Variants in PER2 observed in about 807,000 individuals in gnomAD.
PER2 encodes the protein period circadian regulator 2.
A neutral mutation model predicts 121.0 loss-of-function variants in PER2; 66 were observed. The observed-to-expected ratio is 0.55, with a 90% CI of 0.45 to 0.67. The LOEUF (loss-of-function observed/expected upper bound fraction) is 0.67, where lower values mean the gene tolerates loss of function less well. PER2 is among the 30% of genes least tolerant of loss of function. The probability of loss-of-function intolerance (pLI) is 0.00; values close to 1 mark genes in which losing one functional copy is unlikely to be tolerated. For missense variants in PER2, 1,521 were observed against 1,635.0 expected, an observed-to-expected ratio of 0.93 and a Z score of 1.20; for synonymous variants, 684 against 659.9, an observed-to-expected ratio of 1.04 and a Z score of -0.56.
intron 3 of PER2, 69 bp from the exon 4 acceptor site, chr2:238,275,966 T>C: frequency 6.5e-7 from 1 of 1,534,764 alleles, no homozygotes; most frequent in Middle Eastern, 1.7e-4. Flanking sequence ...GAAACGTGCC[T>C]CTTGCCCATT....
chr2:238,258,585 G>A lies in PER2; in HGVS notation c.1687C>T (p.Leu563=), dbSNP rs1559326461. The change falls in exon 15 of 23, where the codon CTG becomes TTG. Residue 563 remains leucine (L), a synonymous_variant. Transcript: ENST00000254657. ...AACTCCTCGGGGAAGCTGACCCCCA[G>A]GCTGTCCTTTTCCATGGCAGGGACA... is the stretch of plus-strand genomic sequence containing the variant. The part of the protein sequence containing the change: ...KAVPAMEKDS[L]GVSFPEELAC... The A allele has an allele frequency of 6.2e-7, 1 of 1,614,144 alleles. No individual in the cohort carries two copies. Among genetic ancestry groups the A allele is most frequent in the South Asian group, 1.1e-5 (1 of 91,086 alleles).
Position 238,250,612 on chromosome 2 carries a change from T to C in PER2, c.3406A>G (p.Ile1136Val). ...TCCGCATCTGCCATCAGCAGCCAGA[T>C]GGGATCCTGCAGGACGCACTTAATG... ...HFIKCVLQDP[I>V]WLLMADADSS... Residue 1136 changes from isoleucine to valine, a missense_variant, in exon 21 of 23, where the codon ATC becomes GTC. Ile to Val is a conservative substitution (Grantham distance 29). Coordinates refer to ENST00000254657, the MANE Select transcript of PER2 (RefSeq NM_022817.3). 6.2e-7 allele frequency: 1 copy of C among 1,614,050 alleles called. No individual in the cohort carries two copies. Among genetic ancestry groups the C allele is most frequent in the Non-Finnish European group, 8.5e-7 (1 of 1,179,894 alleles).
At position 238,251,670 on chromosome 2, in the gene PER2, G is replaced by A; in HGVS notation, c.3203C>T (p.Ala1068Val). 2.5e-6 allele frequency: 4 copies of A among 1,614,174 alleles called. No individual in the cohort carries two copies. The highest frequency in any genetic ancestry group is 1.3e-5 in the African/African-American group (1 of 75,068). Residue 1068 changes from alanine to valine, a missense_variant, in exon 20 of 23, where the codon GCC becomes GTC. Coordinates refer to ENST00000254657, the MANE Select transcript of PER2 (RefSeq NM_022817.3). ...AGACTCCGAAGCAGCAGAGCCCGAG[G>A]CTGAGCAGAGGTCCTCATTCAGCAG... ...NLLLNEDLCSASGSAASESLG... is the reference protein window; with the variant it reads ...NLLLNEDLCSVSGSAASESLG...
chr2:238,271,232 G>T, intron 6 of PER2, 80 bp downstream of exon 6: 1 of 1,264,952 alleles, frequency 7.9e-7, no homozygotes, highest in Non-Finnish European at 1.2e-6. Flanking sequence ...CAGGGCGCCT[G>T]CACCACATCT....
chr2:238,262,862 G>A (rs1695977380), intron 10 of PER2, 90 bp downstream of exon 10: 2 of 880,400 alleles, frequency 2.3e-6, no homozygotes, highest in African/African-American at 1.7e-5. Flanking sequence ...GATCTGACCT[G>A]TCAGAGCTAG....
rs148637086 is a variant in PER2 at position 238,275,790 on chromosome 2, G to A, written c.401C>T (p.Thr134Met). ...ADKKAKGKAS[T>M]LATLKYALRS... ...GAGGGCGTACTTCAAGGTGGCCAGC[G>A]TACTGGCCTTGCCCTTGGCCTTCTT... Residue 134 changes from threonine to methionine, a missense_variant, in exon 4 of 23, where the codon ACG becomes ATG. Transcript: ENST00000254657. 8.6e-5 allele frequency: 139 copies of A among 1,613,946 alleles called. No individual in the cohort carries two copies. The African/African-American group carries it at 1.1e-3, about 12-fold the overall frequency.
chr2:238,273,947 TGAGC>T (rs1162204020), intron 4 of PER2, among the ~76,000 whole-genome samples: 2 of 152,168 alleles, frequency 1.3e-5, no homozygotes, highest in South Asian at 2.1e-4. Flanking sequence ...ATTACAGGCG[TGAGC>T]CACCGCGCCC....
At chr2:238,278,946 T>C (rs562254707) in intron 1 of PER2, among the ~76,000 whole-genome samples, 98 of 152,262 alleles carry the variant, frequency 6.4e-4, no homozygotes, top group African/African-American at 2.1e-3. Flanking sequence ...ACTGCTGTGC[T>C]GGTCAGAAAC....
Position 238,273,084 on chromosome 2 carries a change from T to C in PER2, c.556A>G (p.Ile186Val), listed in dbSNP as rs1208031354. The change falls in exon 5 of 23, where the codon ATT becomes GTT. Residue 186 changes from isoleucine (I) to valine (V), a missense_variant. By Grantham distance (29) the Ile-to-Val change is conservative. Coordinates refer to ENST00000254657, the MANE Select transcript of PER2 (RefSeq NM_022817.3). ...EEMESVTSEHIVKNADMFAVA... is the reference protein window; with the variant it reads ...EEMESVTSEHVVKNADMFAVA... The stretch of plus-strand genomic sequence containing the variant: ...AAGAGGCTTACGGCATTCTTCACAA[T>C]GTGCTCAGAGGTAACGCTCTCCATC... 4 of 1,614,130 alleles carry C rather than the reference T, an allele frequency of 2.5e-6. No homozygotes were observed. The highest frequency in any genetic ancestry group is 2.2e-5 in the East Asian group (1 of 44,884).
At chr2:238,290,413 G>T (rs1696929936), upstream of PER2, among the ~76,000 whole-genome samples, 1 of 151,796 alleles carries the variant, frequency 6.6e-6, no homozygotes. Context: ...GAGCTCCATT[G>T]TTCTGGAAAC....
chr2:238,265,997 A>G (rs1000290658), intron 8 of PER2, among the ~76,000 whole-genome samples: 1 of 151,178 alleles, frequency 6.6e-6, no homozygotes, highest in Non-Finnish European at 1.5e-5. Context: ...TCCGCCTCCG[A>G]GGTTCAAGCG....
chr2:238,245,312 A>G lies in PER2; in HGVS notation c.*1063T>C, dbSNP rs1001450008. On this transcript the variant is annotated 3_prime_UTR_variant, in exon 23 of 23. Coordinates refer to ENST00000254657, the MANE Select transcript of PER2 (RefSeq NM_022817.3). Reference sequence around the variant, plus strand: ...CAGAGGCCTGAAGCTGCTCCGAGAGAGGTCGGGCTCATGAAAAGAATGAGG... The same window carrying G: ...CAGAGGCCTGAAGCTGCTCCGAGAGGGGTCGGGCTCATGAAAAGAATGAGG... The G allele has an allele frequency of 1.4e-5, 5 of 353,244 alleles. No homozygotes were observed. Among genetic ancestry groups the G allele is most frequent in the Non-Finnish European group, 2.5e-5 (5 of 197,388 alleles). 21.9% of individuals were successfully genotyped at this position (353,244 alleles called of 1,614,324 possible).
At chr2:238,299,914 C>T in the PER2 span, 3 of 152,278 alleles carry the variant, frequency 2.0e-5, no homozygotes, top group African/African-American at 7.2e-5. Context: ...GAGGCATATG[C>T]TCAGCTCTGG....
upstream of PER2, among the ~76,000 whole-genome samples, chr2:238,294,202 G>T (rs1288042796): frequency 3.3e-5 from 5 of 152,226 alleles, no homozygotes; most frequent in African/African-American, 1.2e-4. Context: ...ACCCGGGCAG[G>T]CCCCTGCAGC....
At chr2:238,295,299 TTCTCC>T in the PER2 span, 1 of 80,256 alleles carries the variant, frequency 1.2e-5, no homozygotes, top group Non-Finnish European at 3.3e-5. Context: ...TTCTTTCTCC[TTCTCC>T]TTCTCCTTCT....
upstream of PER2, among the ~76,000 whole-genome samples, chr2:238,291,893 T>A (rs1696956888): frequency 6.6e-6 from 1 of 152,170 alleles, no homozygotes; most frequent in Non-Finnish European, 1.5e-5. Flanking sequence ...TGCGGACCGG[T>A]ATAAAGAAAG....
Position 238,251,814 on chromosome 2 carries a change from C to T in PER2, c.3112-53G>A, listed in dbSNP as rs1574839818. The T allele has an allele frequency of 7.7e-6, 4 of 522,502 alleles. No individual in the cohort carries two copies. The East Asian group carries it at 1.6e-4, about 21-fold the overall frequency. 32.4% of individuals were successfully genotyped at this position (522,502 alleles called of 1,614,324 possible). On this transcript the variant is annotated intron_variant, in intron 19 of 22. Transcript: ENST00000254657. The stretch of plus-strand genomic sequence containing the variant: ...GTTCAGGGGCTCAGTCAGGACACAG[C>T]ATATGCAGCGGGGTGGGGGTGGGGG...
rs777087605 is a variant in PER2 at position 238,271,350 on chromosome 2, G to A, written c.734C>T (p.Pro245Leu). ...DVGVFHSFTSPYKLPLWSMCS... is the reference protein window; with the variant it reads ...DVGVFHSFTSLYKLPLWSMCS... ...CATGCTCCACAAGGGAAGCTTGTACGGGGAGGTGAAACTGTGGAACACGCC... is the reference window on the plus strand; with the variant it reads ...CATGCTCCACAAGGGAAGCTTGTACAGGGAGGTGAAACTGTGGAACACGCC... Residue 245 changes from proline to leucine, a missense_variant, in exon 6 of 23, where the codon CCG (proline) becomes CTG (leucine). Pro to Leu is a moderately conservative substitution (Grantham distance 98). Transcript: ENST00000254657. 8.7e-6 allele frequency: 14 copies of A among 1,614,150 alleles called. No individual in the cohort carries two copies. Among genetic ancestry groups the A allele is most frequent in the East Asian group, 2.2e-5 (1 of 44,884 alleles).
At chr2:238,295,303 CCTT>C in the PER2 span, 3 of 151,380 alleles carry the variant, frequency 2.0e-5, no homozygotes, top group Non-Finnish European at 4.4e-5. Flanking sequence ...TTCTCCTTCT[CCTT>C]CTCCTTCTTC....
Sources: allele counts gnomAD v4.1 joint callset (sites outside exome capture counted in the v4.1 genomes callset), GRCh38; gene constraint gnomAD v4.1.1; transcripts MANE v1.5; gene names NCBI Gene and HGNC (gene_info 2026-07-23, HGNC 2026-07-21).